Variants in ERICH1 observed in about 807,000 individuals in gnomAD.
ERICH1 encodes glutamate-rich protein 1.
ERICH1 carries 56 observed loss-of-function variants against 39.6 expected under a neutral mutation model. The observed-to-expected ratio is 1.41, with a 90% CI of 1.14 to 1.77. The LOEUF (loss-of-function observed/expected upper bound fraction) is 1.77. Ranked by LOEUF, ERICH1 falls within the 40% of genes most tolerant of loss-of-function variation. The pLI, the probability that ERICH1 is intolerant of heterozygous loss-of-function variation, is 0.00. For synonymous variants in ERICH1, 313 were observed against 223.6 expected (o/e 1.40, Z -3.57); for missense variants, 826 against 575.4 (o/e 1.44, Z -4.45).
chr8:726,137 G>A (rs184982352), intron 1 of ERICH1, among the ~76,000 whole-genome samples: 2 of 152,222 alleles, frequency 1.3e-5, no homozygotes, highest in East Asian at 1.9e-4. Context: ...CCAGACCAAC[G>A]CCATGCTGTA....
intron 3 of ERICH1, among the ~76,000 whole-genome samples, chr8:633,148 A>G (rs2117132378): frequency 6.6e-6 from 1 of 152,280 alleles, no homozygotes; most frequent in East Asian, 1.9e-4. Context: ...ACAGACGGAA[A>G]CCAGTGTGGA....
At chr8:651,814 C>G (rs1799989516) in intron 3 of ERICH1, among the ~76,000 whole-genome samples, 1 of 152,100 alleles carries the variant, frequency 6.6e-6, no homozygotes, top group Non-Finnish European at 1.5e-5. Flanking sequence ...ACATCATTGT[C>G]AACTCTACTC....
At chr8:670,624 A>G (rs1803087832) in intron 4 of ERICH1, among the ~76,000 whole-genome samples, 1 of 152,114 alleles carries the variant, frequency 6.6e-6, no homozygotes, top group Non-Finnish European at 1.5e-5. Context: ...GCACCTCAAG[A>G]TGGCCAAGAG....
intron 3 of ERICH1, among the ~76,000 whole-genome samples, chr8:631,885 T>C (rs1373958466): frequency 1.3e-5 from 2 of 152,088 alleles, no homozygotes; most frequent in African/African-American, 4.8e-5. Flanking sequence ...CAGTCAATGC[T>C]GTACTTGTTT....
chr8:688,310 C>CCCGCCCCGCT (rs1308003549), intron 3 of ERICH1, among the ~76,000 whole-genome samples: 1 of 78,458 alleles, frequency 1.3e-5, no homozygotes, highest in Non-Finnish European at 2.9e-5. Flanking sequence ...GCCGCCCCGC[C>CCCGCCCCGCT]CCGGGCCACC....
chr8:619,502 A>ATGT (rs1204800559), intron 3 of ERICH1, among the ~76,000 whole-genome samples: 1 of 152,244 alleles, frequency 6.6e-6, no homozygotes. Flanking sequence ...AGGTGGAACA[A>ATGT]AGCTGTACTG....
At chr8:627,156 C>G (rs1172511995) in intron 3 of ERICH1, 4 of 456,184 alleles carry the variant, frequency 8.8e-6, no homozygotes, top group Non-Finnish European at 1.8e-5. Context: ...GCAGCAGACC[C>G]AGGTCTGAGC....
intron 1 of ERICH1, among the ~76,000 whole-genome samples, chr8:724,666 A>C (rs1228707438): frequency 6.6e-6 from 1 of 152,114 alleles, no homozygotes; most frequent in Non-Finnish European, 1.5e-5. Flanking sequence ...CACCAGATAA[A>C]CTACACCTTT....
chr8:687,584 G>C (rs923784473), intron 3 of ERICH1, among the ~76,000 whole-genome samples: 2 of 152,178 alleles, frequency 1.3e-5, no homozygotes, highest in African/African-American at 4.8e-5. Context: ...CAGCGGCGCA[G>C]GGAGCAGGAC....
At chr8:700,128 C>G (rs181825652) in intron 2 of ERICH1, among the ~76,000 whole-genome samples, 1 of 138,666 alleles carries the variant, frequency 7.2e-6, no homozygotes, top group Non-Finnish European at 1.6e-5. Context: ...CCCTCACAGG[C>G]GCACAGACCC....
At chr8:621,661 G>A (rs1282145176) in intron 3 of ERICH1, among the ~76,000 whole-genome samples, 2 of 152,102 alleles carry the variant, frequency 1.3e-5, no homozygotes, top group South Asian at 2.1e-4. Flanking sequence ...CCAATGGTTA[G>A]TTCTTTGAAA....
At chr8:694,479 T>G (rs992466759) in intron 2 of ERICH1, among the ~76,000 whole-genome samples, 4 of 152,192 alleles carry the variant, frequency 2.6e-5, no homozygotes, top group African/African-American at 9.7e-5. Context: ...CAGGGAACAC[T>G]CAATGACTCA....
chr8:668,960 C>T (rs187857176), intron 4 of ERICH1, 168 bp from the exon 5 acceptor site: 6 of 649,940 alleles, frequency 9.2e-6, no homozygotes, highest in African/African-American at 1.8e-5. Context: ...GAGCTCAGCA[C>T]AAAATACCAC....
At chr8:637,002 C>G (rs1798489336) in intron 3 of ERICH1, among the ~76,000 whole-genome samples, 1 of 152,212 alleles carries the variant, frequency 6.6e-6, no homozygotes, top group Non-Finnish European at 1.5e-5. Context: ...GACTTTAAGC[C>G]AGATTGCAAA....
chr8:708,705 T>G (rs1179796303), intron 2 of ERICH1, among the ~76,000 whole-genome samples: 5 of 114,400 alleles, frequency 4.4e-5, no homozygotes, highest in Admixed American at 9.4e-5. Flanking sequence ...TTTTTTTTTT[T>G]TTTTTTGAGA....
At chr8:693,366 G>A (rs762112390) in intron 2 of ERICH1, among the ~76,000 whole-genome samples, 3 of 152,240 alleles carry the variant, frequency 2.0e-5, no homozygotes, top group Non-Finnish European at 4.4e-5. Flanking sequence ...TGAATACAGT[G>A]TGTTAAAATG....
chr8:695,013 A>G (rs1368324021), intron 2 of ERICH1, among the ~76,000 whole-genome samples: 1 of 152,122 alleles, frequency 6.6e-6, no homozygotes, highest in East Asian at 1.9e-4. Flanking sequence ...ATCCCTCGGG[A>G]AAGGCAGAGG....
chr8:708,207 C>T (rs1224576955), intron 2 of ERICH1, among the ~76,000 whole-genome samples: 1 of 152,178 alleles, frequency 6.6e-6, no homozygotes, highest in Non-Finnish European at 1.5e-5. Flanking sequence ...TATGGTTCAG[C>T]TGCTGTGGAC....
At chr8:689,144 C>A (rs2132038389) in intron 3 of ERICH1, among the ~76,000 whole-genome samples, 1 of 152,284 alleles carries the variant, frequency 6.6e-6, no homozygotes. Flanking sequence ...CGAATTCTCG[C>A]TCTGTTGCCC....
Sources: gnomAD v4.1 joint callset for allele counts (sites outside exome capture counted in the v4.1 genomes callset) on GRCh38, gnomAD v4.1.1 for gene constraint, MANE v1.5 for transcripts, NCBI Gene and HGNC (gene_info 2026-07-23, HGNC 2026-07-21) for gene names.